EPHA6: variants seen among roughly 807,000 people sequenced by gnomAD.
EPHA6 encodes the protein ephrin type-A receptor 6.
A neutral mutation model predicts 112.0 loss-of-function variants in EPHA6; 50 were observed. The observed-to-expected ratio is 0.45, with a 90% confidence interval of 0.36 to 0.56. EPHA6 has a LOEUF of 0.56. Ranked by LOEUF, EPHA6 falls within the 20% of genes least tolerant of loss-of-function variation. The probability of loss-of-function intolerance (pLI) is 0.00; values close to 1 mark genes in which losing one functional copy is unlikely to be tolerated. For missense variants in EPHA6, 1,280 were observed against 1,417.4 expected (o/e 0.90, Z 1.56); for synonymous variants, 529 against 490.7 (o/e 1.08, Z -1.03).
chr3:97,566,808 TG>T (rs2093273306), intron 11 of EPHA6, among the ~76,000 whole-genome samples: 1 of 152,216 alleles, frequency 6.6e-6, no homozygotes, highest in African/African-American at 2.4e-5. Flanking sequence ...GGACACCTTC[TG>T]TATCTTGAGG....
At chr3:97,534,976 T>C (rs1271620226) in intron 11 of EPHA6, among the ~76,000 whole-genome samples, 2 of 152,064 alleles carry the variant, frequency 1.3e-5, no homozygotes, top group Admixed American at 1.3e-4. Flanking sequence ...TATCTTTATT[T>C]TCTTACTTTA....
chr3:97,424,452 G>A (rs2088933437), intron 6 of EPHA6, among the ~76,000 whole-genome samples: 2 of 152,010 alleles, frequency 1.3e-5, no homozygotes, highest in Admixed American at 6.6e-5. Context: ...AATGATCATA[G>A]TCCAAAGTCT....
At chr3:96,884,795 T>TA (rs1559800060) in intron 2 of EPHA6, among the ~76,000 whole-genome samples, 11 of 152,228 alleles carry the variant, frequency 7.2e-5, no homozygotes, top group African/African-American at 2.4e-4. Flanking sequence ...CATCCTTATC[T>TA]TGTTCCAGTT....
At chr3:97,135,065 G>A (rs1220039004) in intron 3 of EPHA6, among the ~76,000 whole-genome samples, 3 of 152,118 alleles carry the variant, frequency 2.0e-5, no homozygotes. Context: ...AGAATAATCA[G>A]TATACCAAAG....
chr3:96,999,216 G>A (rs1291063204), intron 3 of EPHA6, among the ~76,000 whole-genome samples: 1 of 151,874 alleles, frequency 6.6e-6, no homozygotes, highest in Non-Finnish European at 1.5e-5. Context: ...TTCTGTTACT[G>A]TGTCATCAGT....
chr3:97,732,719 C>T (rs1311174886), intron 15 of EPHA6, among the ~76,000 whole-genome samples: 1 of 151,922 alleles, frequency 6.6e-6, no homozygotes, highest in Non-Finnish European at 1.5e-5. Context: ...TTATACCTAC[C>T]TCATAAAGTT....
intron 6 of EPHA6, among the ~76,000 whole-genome samples, chr3:97,420,323 T>G (rs2088513577): frequency 6.7e-6 from 1 of 150,034 alleles, no homozygotes; most frequent in South Asian, 2.1e-4. Context: ...TTGACCAAAA[T>G]AAAAGAAACA....
At chr3:97,052,240 T>G (rs1034893078) in intron 3 of EPHA6, among the ~76,000 whole-genome samples, 3 of 152,104 alleles carry the variant, frequency 2.0e-5, no homozygotes, top group Non-Finnish European at 2.9e-5. Flanking sequence ...CTCATATGAT[T>G]GAACTCTGTC....
At chr3:97,700,337 T>TGTC (rs1292030389) in intron 14 of EPHA6, among the ~76,000 whole-genome samples, 1 of 152,172 alleles carries the variant, frequency 6.6e-6, no homozygotes, top group Non-Finnish European at 1.5e-5. Flanking sequence ...TTGAATGAAG[T>TGTC]GTCTCCTTCG....
chr3:97,126,204 T>C (rs561667284), intron 3 of EPHA6, among the ~76,000 whole-genome samples: 1 of 152,238 alleles, frequency 6.6e-6, no homozygotes, highest in Non-Finnish European at 1.5e-5. Context: ...ACTTACTGAT[T>C]TAGACATACT....
intron 15 of EPHA6, among the ~76,000 whole-genome samples, chr3:97,728,184 T>G (rs2034865849): frequency 6.6e-6 from 1 of 152,040 alleles, no homozygotes; most frequent in Non-Finnish European, 1.5e-5. Flanking sequence ...TTAGATATTT[T>G]TAGTGGAGCC....
chr3:97,677,701 A>G (rs1576268947), intron 14 of EPHA6, among the ~76,000 whole-genome samples: 1 of 150,670 alleles, frequency 6.6e-6, no homozygotes, highest in East Asian at 2.0e-4. Context: ...AGCCTGGACA[A>G]CAAGAACGAA....
intron 1 of EPHA6, among the ~76,000 whole-genome samples, chr3:96,840,412 C>T (rs1045677525): frequency 5.9e-5 from 9 of 152,022 alleles, no homozygotes; most frequent in East Asian, 3.9e-4. Context: ...ACACAGGTGC[C>T]GTTGTTTTCA....
chr3:97,532,551 A>AC lies in EPHA6; in HGVS notation c.2386+9dup. The AC allele has an allele frequency of 6.3e-7, 1 of 1,586,276 alleles. No homozygotes were observed. The highest frequency in any genetic ancestry group is 8.6e-7 in the Non-Finnish European group (1 of 1,168,744). ...AAGGGGTTGTCACCAAAAGTAAGTT[A>AC]CTGAGTTTCTTCATTACTTCTTTCA... On this transcript the variant is annotated intron_variant, in intron 11 of 17. Coordinates refer to ENST00000389672, the MANE Select transcript of EPHA6 (RefSeq NM_001080448.3).
At chr3:96,890,071 T>A (rs1194238709) in intron 2 of EPHA6, among the ~76,000 whole-genome samples, 1 of 151,614 alleles carries the variant, frequency 6.6e-6, no homozygotes, top group Admixed American at 6.6e-5. Context: ...AAGCTAAAAA[T>A]ATTTCATGAG....
At chr3:97,499,914 A>G (rs1364444003) in intron 10 of EPHA6, among the ~76,000 whole-genome samples, 1 of 152,082 alleles carries the variant, frequency 6.6e-6, no homozygotes, top group Non-Finnish European at 1.5e-5. Context: ...CTAAATGTAT[A>G]AAATACAAAT....
chr3:97,490,964 T>A (rs1407104317), intron 10 of EPHA6, among the ~76,000 whole-genome samples: 3 of 152,136 alleles, frequency 2.0e-5, no homozygotes, highest in Admixed American at 2.0e-4. Context: ...CAGTTTTAAT[T>A]CCTCACTGCT....
chr3:97,236,619 A>G (rs995848433), intron 4 of EPHA6, among the ~76,000 whole-genome samples: 6 of 152,144 alleles, frequency 3.9e-5, no homozygotes, highest in Non-Finnish European at 5.9e-5. Context: ...ACAAATACCT[A>G]TGAGTGAAAA....
intron 5 of EPHA6, among the ~76,000 whole-genome samples, chr3:97,257,708 CTGTATG>C (rs1477570966): frequency 1.3e-5 from 2 of 151,856 alleles, no homozygotes; most frequent in African/African-American, 4.8e-5. Context: ...GGTAGAAAAA[CTGTATG>C]TGTATAGAAA....
Sources: allele counts gnomAD v4.1 joint callset (sites outside exome capture counted in the v4.1 genomes callset), GRCh38; gene constraint gnomAD v4.1.1; transcripts MANE v1.5; gene names NCBI Gene and HGNC (gene_info 2026-07-23, HGNC 2026-07-21).